Variants in CAPN15 observed in about 807,000 individuals in gnomAD.
CAPN15 encodes the protein calpain 15.
Under a neutral mutation model 97.9 loss-of-function variants are expected in CAPN15, and 53 were observed. The ratio of observed to expected loss-of-function variants is 0.54; its 90% confidence interval spans 0.43 to 0.68. The LOEUF (loss-of-function observed/expected upper bound fraction) is 0.68. Ranked by LOEUF, CAPN15 falls within the 30% of genes least tolerant of loss-of-function variation. The probability of loss-of-function intolerance (pLI) is 0.00; values close to 1 mark genes in which losing one functional copy is unlikely to be tolerated. For missense variants in CAPN15, 1,592 were observed against 1,589.8 expected (o/e 1.00, Z -0.02); for synonymous variants, 922 against 722.5 (o/e 1.28, Z -4.43).
chr16:547,108 A>T lies in CAPN15; in HGVS notation c.270A>T (p.Pro90=). 6.3e-7 allele frequency: 1 copy of T among 1,575,820 alleles called. No individual in the cohort carries two copies. Among genetic ancestry groups the T allele is most frequent in the Non-Finnish European group, 8.6e-7 (1 of 1,162,324 alleles). ...LPVLNGVLPK[P]PAILGEPKGS... ...TCCTCAACGGGGTCCTCCCCAAGCC[A>T]CCCGCCATCCTGGGGGAGCCCAAGG... Residue 90 remains proline, a synonymous_variant, in exon 4 of 14, where the codon CCA becomes CCT. Transcript: ENST00000219611.
In CAPN15 at chr16:547,407, C is replaced by T. The variant is rs776525312; in HGVS notation, c.569C>T (p.Pro190Leu). The stretch of plus-strand genomic sequence containing the variant: ...CTGGTGGTCCCGGAAGTGGTGGCCC[C>T]GGCCGGCTTCCACGTCGTGCCTGCC... ...EALVVPEVVA[P>L]AGFHVVPAAP... is the part of the protein sequence containing the mutation. Residue 190 changes from proline (P) to leucine (L), a missense_variant, in exon 4 of 14, where the codon CCG (proline) becomes CTG (leucine). Pro to Leu is a moderately conservative substitution (Grantham distance 98). Coordinates refer to ENST00000219611, the MANE Select transcript of CAPN15 (RefSeq NM_005632.3). 3.0e-5 allele frequency: 47 copies of T among 1,567,380 alleles called. No homozygotes were observed. Among genetic ancestry groups the T allele is most frequent in the African/African-American group, 8.1e-5 (6 of 73,976 alleles).
At chr16:528,159 G>A (rs1483526101) in intron 1 of CAPN15, 130 bp downstream of exon 1, 2 of 150,722 alleles carry the variant, frequency 1.3e-5, no homozygotes. Flanking sequence ...GGCGCGCCGG[G>A]CTCCGAGCCA....
rs1438225179 is a variant in CAPN15, at chr16:547,760, A to C, written c.922A>C (p.Ser308Arg). The change falls in exon 4 of 14, where the codon AGC becomes CGC. Residue 308 changes from serine (S) to arginine (R), a missense_variant. Transcript: ENST00000219611. Reference sequence around the variant, plus strand: ...GGAAGAGGCCACGGAGGGTGGCACCAGCCGCGTAGAGGCCGGCAGCTCCAC... The same window carrying C: ...GGAAGAGGCCACGGAGGGTGGCACCCGCCGCGTAGAGGCCGGCAGCTCCAC... Reference protein sequence around the residue: ...LEEEATEGGTSRVEAGSSTSG... With the variant: ...LEEEATEGGTRRVEAGSSTSG... 3.1e-6 allele frequency: 5 copies of C among 1,609,320 alleles called. No individual in the cohort carries two copies. The highest frequency in any genetic ancestry group is 4.2e-6 in the Non-Finnish European group (5 of 1,177,874).
chr16:541,442 A>G (rs1215431142), intron 3 of CAPN15, among the ~76,000 whole-genome samples: 2 of 150,568 alleles, frequency 1.3e-5, no homozygotes, highest in Non-Finnish European at 3.0e-5. Context: ...AGACGCGGCA[A>G]AGGCAGGGCC....
intron 3 of CAPN15, among the ~76,000 whole-genome samples, chr16:545,621 G>T (rs1457609432): frequency 1.3e-5 from 2 of 152,246 alleles, no homozygotes; most frequent in African/African-American, 4.8e-5. Context: ...CCCCGCTGGC[G>T]ATTGTTTGGT....
At position 547,589 on chromosome 16, in the gene CAPN15, G is replaced by A. The variant is rs553650330; in HGVS notation, c.751G>A (p.Val251Ile). The change falls in exon 4 of 14, where the codon GTT becomes ATT. Residue 251 changes from valine to isoleucine, a missense_variant. Physicochemically the swap from Val to Ile is conservative, Grantham distance 29. Around this residue, in one of 3 missense-constraint regions of CAPN15, gnomAD observed 883 missense variants for 776.6 expected, o/e 1.14. Coordinates refer to ENST00000219611, the MANE Select transcript of CAPN15 (RefSeq NM_005632.3). Reference sequence around the variant, plus strand: ...CCCCGTGCCGCGCAGCCGACGCGAGGTTCCCCCCCAGCTGCAGCCACCGGT... The same window carrying A: ...CCCCGTGCCGCGCAGCCGACGCGAGATTCCCCCCCAGCTGCAGCCACCGGT... ...NNPVPRSRRE[V>I]PPQLQPPVPE... 2 of 1,578,020 alleles carry A rather than the reference G, an allele frequency of 1.3e-6. No individual in the cohort carries two copies. The highest frequency in any genetic ancestry group is 3.4e-5 in the Admixed American group (2 of 58,830).
intron 3 of CAPN15, 87 bp from the exon 4 acceptor site, chr16:546,730 C>T (rs1036298653): frequency 1.4e-5 from 21 of 1,449,724 alleles, no homozygotes; most frequent in East Asian, 5.0e-5. Context: ...CAGCCACAGA[C>T]GGGTGCCTTC....
In CAPN15 at chr16:546,957, G is replaced by T; in HGVS notation, c.119G>T (p.Arg40Leu). 1 of 1,610,456 alleles carries T rather than the reference G, an allele frequency of 6.2e-7. No homozygotes were observed. ...AAGCCCGACCTCAACCACATCCTGC[G>T]GCTCAGCGTGGAGGAGCAGAAATGG... ...RHKPDLNHIL[R>L]LSVEEQKWPC... Residue 40 changes from arginine to leucine, a missense_variant, in exon 4 of 14, where the codon CGG becomes CTG. Arg to Leu is a moderately radical substitution (Grantham distance 102). Transcript: ENST00000219611.
chr16:551,205 CCCA>C lies in CAPN15; in HGVS notation c.2067-96_2067-94del, dbSNP rs2035047016. 3 of 1,467,994 alleles carry C rather than the reference CCCA, an allele frequency of 2.0e-6. No individual in the cohort carries two copies. The African/African-American group carries it at 4.8e-5, about 24-fold the overall frequency. 90.9% of individuals were successfully genotyped at this position (1,467,994 alleles called of 1,614,324 possible). The stretch of plus-strand genomic sequence containing the variant: ...GTGAGGGCCCCGGTCGGTGAGGGTC[CCCA>C]GTCGGTGAGGGTCCCGGTCAGTGAG... On this transcript the variant is annotated intron_variant, in intron 7 of 13. Coordinates refer to ENST00000219611, the MANE Select transcript of CAPN15 (RefSeq NM_005632.3).
chr16:550,983 G>A (rs1432571178), intron 7 of CAPN15, among the ~76,000 whole-genome samples: 3 of 131,492 alleles, frequency 2.3e-5, no homozygotes, highest in Non-Finnish European at 4.8e-5. Context: ...GTCCCCTGTT[G>A]GTGAGGGTCC....
In CAPN15 at chr16:535,581, G is replaced by A. The variant is rs2033644792; in HGVS notation, c.-136-448G>A. Among the ~76,000 whole-genome samples the A allele has an allele frequency of 1.3e-5, 2 of 152,258 alleles. No individual in the cohort carries two copies. The highest frequency in any genetic ancestry group is 1.3e-4 in the Admixed American group (2 of 15,306). On this transcript the variant is annotated intron_variant, in intron 2 of 13. Coordinates refer to ENST00000219611, the MANE Select transcript of CAPN15 (RefSeq NM_005632.3). This position sits in a 1 kb window ranked among gnomAD's most constrained non-coding sequence, Gnocchi z 6.2. The stretch of plus-strand genomic sequence containing the variant: ...TAGGGCATCGGCTCCCAGGGAGGGC[G>A]GGGAGCTGCACAGTTGGACTTGTGG...
intron 1 of CAPN15, among the ~76,000 whole-genome samples, chr16:531,589 C>T (rs555846292): frequency 7.5e-5 from 11 of 145,908 alleles, no homozygotes; most frequent in African/African-American, 2.3e-4. Flanking sequence ...TAGGGCCACA[C>T]GGCTCCCAAG....
chr16:547,939 A>G lies in CAPN15; in HGVS notation c.1101A>G (p.Lys367=). Residue 367 remains lysine (K), a synonymous_variant, in exon 4 of 14, where the codon AAA becomes AAG. Transcript: ENST00000219611. ...GGTGCTCGGCCTGCGGCTGCTCCAA[A>G]CTGCACGGCTTCCAGGAGCATGGCG... ...APRCSACGCS[K]LHGFQEHGEP... The G allele has an allele frequency of 1.2e-6, 2 of 1,601,506 alleles. No homozygotes were observed. Among genetic ancestry groups the G allele is most frequent in the Non-Finnish European group, 1.7e-6 (2 of 1,174,956 alleles).
At chr16:541,501 C>T (rs1033752550) in intron 3 of CAPN15, among the ~76,000 whole-genome samples, 2 of 152,208 alleles carry the variant, frequency 1.3e-5, no homozygotes, top group African/African-American at 4.8e-5. Flanking sequence ...AGGGTCTGTG[C>T]TCCTCCTGCG....
chr16:541,622 ACT>A (rs1488049730), intron 3 of CAPN15, among the ~76,000 whole-genome samples: 1 of 152,086 alleles, frequency 6.6e-6, no homozygotes, highest in Admixed American at 6.5e-5. Flanking sequence ...AACTTACCAG[ACT>A]CACCTGTTAA....
intron 1 of CAPN15, among the ~76,000 whole-genome samples, chr16:532,066 C>G (rs1053617884): frequency 1.3e-5 from 2 of 151,798 alleles, no homozygotes; most frequent in African/African-American, 4.8e-5. Context: ...ATGGCGAAAC[C>G]CCATCTCTAC....
At chr16:544,247 G>T (rs150142121) in intron 3 of CAPN15, among the ~76,000 whole-genome samples, 1 of 152,254 alleles carries the variant, frequency 6.6e-6, no homozygotes, top group East Asian at 1.9e-4. Context: ...GGGCACAGCA[G>T]GAGGAGCTGC....
chr16:541,155 T>TG, intron 3 of CAPN15, among the ~76,000 whole-genome samples: 1 of 152,236 alleles, frequency 6.6e-6, no homozygotes, highest in East Asian at 1.9e-4. Context: ...GGCCCCCAGG[T>TG]GGGAGGGACG....
intron 7 of CAPN15, among the ~76,000 whole-genome samples, chr16:550,813 C>T (rs1178360850): frequency 1.2e-5 from 1 of 86,314 alleles, no homozygotes; most frequent in Non-Finnish European, 2.6e-5. Context: ...GTGAGGGCCC[C>T]GGTCGGTGAG....
Sources: allele counts gnomAD v4.1 joint callset (sites outside exome capture counted in the v4.1 genomes callset), GRCh38; gene constraint gnomAD v4.1.1; regional missense constraint gnomAD v4.1.1; non-coding constraint Gnocchi (gnomAD v3.1); transcripts MANE v1.5; gene names NCBI Gene and HGNC (gene_info 2026-07-23, HGNC 2026-07-21).